Variants in LIN28B observed in about 807,000 individuals in gnomAD.
LIN28B encodes the protein lin-28 RNA binding posttranscriptional regulator B.
Under a neutral mutation model 21.9 loss-of-function variants are expected in LIN28B, and 5 were observed. The ratio of observed to expected loss-of-function variants is 0.23; its 90% CI spans 0.12 to 0.48. LIN28B has a LOEUF of 0.48. LIN28B is among the 20% of genes least tolerant of loss of function. LIN28B has a pLI of 0.98. For missense variants in LIN28B, 245 were observed against 310.5 expected (o/e 0.79, Z 1.58); for synonymous variants, 109 against 111.3 (o/e 0.98, Z 0.13).
intron 2 of LIN28B, among the ~76,000 whole-genome samples, chr6:104,970,942 G>A (rs1364961135): frequency 6.6e-6 from 1 of 152,050 alleles, no homozygotes; most frequent in Non-Finnish European, 1.5e-5. Context: ...GAGGATAAGT[G>A]TTTGATGCTT....
At chr6:105,021,478 C>T (rs1202670379) in intron 2 of LIN28B, among the ~76,000 whole-genome samples, 1 of 152,152 alleles carries the variant, frequency 6.6e-6, no homozygotes, top group Non-Finnish European at 1.5e-5. Flanking sequence ...AATTTGCATT[C>T]CTACCAACAG....
intron 2 of LIN28B, among the ~76,000 whole-genome samples, chr6:104,988,862 A>G (rs985902420): frequency 2.0e-5 from 3 of 152,128 alleles, no homozygotes; most frequent in Non-Finnish European, 4.4e-5. Flanking sequence ...TACAGGCGTG[A>G]TCCACTGTGC....
rs1298521297 is a variant in LIN28B, at chr6:105,011,221, ACT to A, written c.199-15074_199-15073del. Among the ~76,000 whole-genome samples the A allele has an allele frequency of 3.3e-5, 5 of 152,036 alleles. No individual in the cohort carries two copies. In the East Asian group the frequency reaches 9.7e-4, roughly 29 times the overall value. On this transcript the variant is annotated intron_variant, in intron 2 of 3. Coordinates refer to ENST00000345080, the MANE Select transcript of LIN28B (RefSeq NM_001004317.4). Reference sequence around the variant, plus strand: ...TTTTTATTTTTTTAGATAGAGTCTGACTCTATTGCCCAAGCTGGAGTGCAGTG... The same window carrying A: ...TTTTTATTTTTTTAGATAGAGTCTGACTATTGCCCAAGCTGGAGTGCAGTG...
rs561511987 is a variant in LIN28B at position 105,063,345 on chromosome 6, C to T, written c.384-15069C>T. On this transcript the variant is annotated intron_variant, in intron 3 of 3. Transcript: ENST00000345080. ...AAAAAGAAAAAGATTATAAAAAACA[C>T]TGTCCCAATGTCTTTGGTACATTCT... is the stretch of plus-strand genomic sequence containing the variant. 1.3e-4 allele frequency among the ~76,000 whole-genome samples: 20 copies of T among 152,278 alleles called. No homozygotes were observed. The Middle Eastern group carries it at 0.02, about 155-fold the overall frequency.
At chr6:105,009,059 G>T (rs944466694) in intron 2 of LIN28B, among the ~76,000 whole-genome samples, 3 of 152,016 alleles carry the variant, frequency 2.0e-5, no homozygotes, top group Non-Finnish European at 4.4e-5. Context: ...CTCTTTTATG[G>T]TTTTTTTGTG....
At chr6:105,063,346 T>C (rs1029509525) in intron 3 of LIN28B, among the ~76,000 whole-genome samples, 3 of 152,188 alleles carry the variant, frequency 2.0e-5, no homozygotes, top group Admixed American at 2.0e-4. Flanking sequence ...TAAAAAACAC[T>C]GTCCCAATGT....
chr6:105,037,664 C>A (rs867480154), intron 3 of LIN28B, among the ~76,000 whole-genome samples: 1 of 151,526 alleles, frequency 6.6e-6, no homozygotes, highest in South Asian at 2.1e-4. Flanking sequence ...ACATGTGCAC[C>A]ACCACACCCT....
chr6:104,999,096 TAAAG>T (rs1056950779), intron 2 of LIN28B, among the ~76,000 whole-genome samples: 2 of 152,162 alleles, frequency 1.3e-5, no homozygotes, highest in African/African-American at 4.8e-5. Context: ...ATATAGAAAT[TAAAG>T]AACTGAAATT....
chr6:105,055,089 A>C (rs1771996283), intron 3 of LIN28B, among the ~76,000 whole-genome samples: 1 of 151,984 alleles, frequency 6.6e-6, no homozygotes, highest in African/African-American at 2.4e-5. Context: ...TTGGGCTTTA[A>C]GTAGCTGAAT....
At chr6:104,942,524 CT>C (rs1778108740) in intron 2 of LIN28B, among the ~76,000 whole-genome samples, 1 of 148,688 alleles carries the variant, frequency 6.7e-6, no homozygotes, top group Admixed American at 6.7e-5. Context: ...AAATTTATGC[CT>C]TTTTTTCTTC....
intron 2 of LIN28B, among the ~76,000 whole-genome samples, chr6:104,947,569 T>C (rs907163134): frequency 1.3e-5 from 2 of 152,120 alleles, no homozygotes; most frequent in African/African-American, 4.8e-5. Flanking sequence ...AAGTGTGAAA[T>C]CTAAGAATGT....
chr6:104,951,132 ATTAAC>A (rs1452787248), intron 3 of LIN28B, among the ~76,000 whole-genome samples: 5 of 152,188 alleles, frequency 3.3e-5, no homozygotes, highest in Admixed American at 2.6e-4. Context: ...TATTATTAAA[ATTAAC>A]TTAAAAGTTA....
intron 2 of LIN28B, among the ~76,000 whole-genome samples, chr6:104,991,386 G>A (rs573425238): frequency 1.4e-3 from 220 of 151,778 alleles, no homozygotes; most frequent in African/African-American, 5.1e-3. Context: ...GGTCGCGGCC[G>A]GGCAGAGGCG....
chr6:105,024,134 G>A (rs1478990521), intron 2 of LIN28B, among the ~76,000 whole-genome samples: 1 of 151,936 alleles, frequency 6.6e-6, no homozygotes, highest in Admixed American at 6.6e-5. Context: ...GATTACAGGC[G>A]AGCGCCACCA....
intron 2 of LIN28B, among the ~76,000 whole-genome samples, chr6:104,987,475 C>G (rs1308715929): frequency 6.6e-6 from 1 of 152,052 alleles, no homozygotes; most frequent in Non-Finnish European, 1.5e-5. Flanking sequence ...TCCTTAGTAG[C>G]TGGGACTACA....
At chr6:104,971,039 T>C (rs899121083) in intron 2 of LIN28B, among the ~76,000 whole-genome samples, 1 of 152,200 alleles carries the variant, frequency 6.6e-6, no homozygotes, top group African/African-American at 2.4e-5. Flanking sequence ...TAATTTGTTC[T>C]TAAGCTACTT....
chr6:104,945,809 C>G (rs144934359), intron 2 of LIN28B, among the ~76,000 whole-genome samples: 8 of 152,058 alleles, frequency 5.3e-5, no homozygotes, highest in African/African-American at 1.9e-4. Context: ...TTGTGTTTGC[C>G]AGCTGCTATC....
intron 2 of LIN28B, among the ~76,000 whole-genome samples, chr6:104,964,797 A>G (rs1477139965): frequency 6.6e-6 from 1 of 152,220 alleles, no homozygotes; most frequent in African/African-American, 2.4e-5. Context: ...CTAATCATTT[A>G]TCTCAAATTG....
At chr6:105,039,492 A>G (rs763485698) in intron 3 of LIN28B, among the ~76,000 whole-genome samples, 2 of 152,202 alleles carry the variant, frequency 1.3e-5, no homozygotes, top group African/African-American at 4.8e-5. Flanking sequence ...CACAGAGTGT[A>G]TGAAATTTAC....
Sources: allele counts gnomAD v4.1 joint callset (sites outside exome capture counted in the v4.1 genomes callset), GRCh38; gene constraint gnomAD v4.1.1; transcripts MANE v1.5; gene names NCBI Gene and HGNC (gene_info 2026-07-23, HGNC 2026-07-21).